Variants in AAMDC observed in about 807,000 individuals in gnomAD.
AAMDC encodes the protein adipogenesis associated Mth938 domain containing.
A neutral mutation model predicts 15.5 loss-of-function variants in AAMDC; 16 were observed. The observed-to-expected ratio is 1.03, with a 90% CI of 0.70 to 1.57. The LOEUF (loss-of-function observed/expected upper bound fraction) is 1.57, where lower values mean the gene tolerates loss of function less well. AAMDC is among the 40% of genes most tolerant of loss of function. The pLI is 0.00. For missense variants in AAMDC, 141 were observed against 144.9 expected (o/e 0.97, Z 0.14); for synonymous variants, 51 against 51.6 (o/e 0.99, Z 0.05).
intron 1 of AAMDC, among the ~76,000 whole-genome samples, chr11:77,833,309 G>A (rs1203230435): frequency 6.6e-6 from 1 of 152,034 alleles, no homozygotes; most frequent in Non-Finnish European, 1.5e-5. Flanking sequence ...GGAGCCCTGA[G>A]CTTGTTTTCC....
intron 2 of AAMDC, 116 bp from the exon 3 acceptor site, chr11:77,869,606 C>A: frequency 9.8e-7 from 1 of 1,022,648 alleles, no homozygotes; most frequent in South Asian, 1.4e-5. Flanking sequence ...ATGAGTGATG[C>A]TTGGCACAAA....
At chr11:77,847,963 A>T (rs1256472913) in intron 2 of AAMDC, among the ~76,000 whole-genome samples, 1 of 152,124 alleles carries the variant, frequency 6.6e-6, no homozygotes, top group Non-Finnish European at 1.5e-5. Flanking sequence ...GGCAGAAAAA[A>T]AGAGGCAAAT....
intron 1 of AAMDC, 124 bp from the exon 2 acceptor site, chr11:77,842,355 A>C (rs1949967317): frequency 1.1e-6 from 1 of 919,720 alleles, no homozygotes; most frequent in African/African-American, 1.7e-5. Flanking sequence ...AGAAGAAGTA[A>C]CAACCACGTA....
chr11:77,853,979 C>A (rs1293173594), intron 2 of AAMDC, among the ~76,000 whole-genome samples: 1 of 136,666 alleles, frequency 7.3e-6, no homozygotes, highest in African/African-American at 2.7e-5. Flanking sequence ...GCCTTCCCAA[C>A]AGTCCTCCAA....
At chr11:77,830,858 T>C (rs937939849) in intron 1 of AAMDC, among the ~76,000 whole-genome samples, 1 of 152,018 alleles carries the variant, frequency 6.6e-6, no homozygotes, top group Non-Finnish European at 1.5e-5. Flanking sequence ...TAGCACTTTA[T>C]GGTTGGGCAC....
downstream of AAMDC, chr11:77,903,549 T>C: frequency 6.2e-7 from 1 of 1,613,880 alleles, no homozygotes; most frequent in Non-Finnish European, 8.5e-7. Context: ...CCTGTTTCGC[T>C]GCTGCTGAGG....
At chr11:77,900,946 G>A (rs1436296548), downstream of AAMDC, among the ~76,000 whole-genome samples, 1 of 152,138 alleles carries the variant, frequency 6.6e-6, no homozygotes, top group East Asian at 1.9e-4. Context: ...AGGGAAACAA[G>A]GTACAGAAAG....
At chr11:77,856,048 G>C (rs558198286) in intron 2 of AAMDC, among the ~76,000 whole-genome samples, 3 of 152,222 alleles carry the variant, frequency 2.0e-5, no homozygotes, top group Admixed American at 2.0e-4. Flanking sequence ...GAGCCCAGGA[G>C]GCAGAGTTGC....
intron 5 of AAMDC, among the ~76,000 whole-genome samples, chr11:77,878,474 CAT>C (rs1485661604): frequency 3.9e-5 from 6 of 151,978 alleles, no homozygotes; most frequent in African/African-American, 9.7e-5. Flanking sequence ...AAGGTTAACA[CAT>C]GTTTAAGGTC....
At chr11:77,888,261 A>G (rs1192068262) in intron 5 of AAMDC, among the ~76,000 whole-genome samples, 1 of 152,238 alleles carries the variant, frequency 6.6e-6, no homozygotes, top group Non-Finnish European at 1.5e-5. Flanking sequence ...GCCCTCAGAA[A>G]TAATGCCACA....
At chr11:77,867,503 C>T (rs950497034) in intron 2 of AAMDC, among the ~76,000 whole-genome samples, 1 of 152,208 alleles carries the variant, frequency 6.6e-6, no homozygotes, top group African/African-American at 2.4e-5. Context: ...TTTGGTTCAT[C>T]TCAGTATTGC....
intron 2 of AAMDC, among the ~76,000 whole-genome samples, chr11:77,865,993 G>C (rs1237874084): frequency 6.6e-6 from 1 of 152,206 alleles, no homozygotes; most frequent in East Asian, 1.9e-4. Context: ...GACTCAGGCA[G>C]TGTCCACAGG....
chr11:77,874,381 T>G (rs1951541931), downstream of AAMDC, among the ~76,000 whole-genome samples: 1 of 152,066 alleles, frequency 6.6e-6, no homozygotes. Context: ...TCTTTTTTTT[T>G]TTTTTTTGGT....
chr11:77,891,235 A>G (rs1325947724), intron 5 of AAMDC: 38 of 1,327,990 alleles, frequency 2.9e-5, no homozygotes, highest in Non-Finnish European at 3.9e-5. Context: ...CTGTCCCTCA[A>G]GTAGAGACTA....
chr11:77,886,851 G>A (rs1282216972), intron 5 of AAMDC, among the ~76,000 whole-genome samples: 1 of 152,104 alleles, frequency 6.6e-6, no homozygotes, highest in Non-Finnish European at 1.5e-5. Context: ...AATGACTACT[G>A]GGTACATAAC....
At chr11:77,885,091 T>G (rs1951947116) in intron 5 of AAMDC, among the ~76,000 whole-genome samples, 1 of 152,048 alleles carries the variant, frequency 6.6e-6, no homozygotes, top group South Asian at 2.1e-4. Context: ...TTCTTTTTTC[T>G]TTTCTTGAGA....
At chr11:77,899,447 G>A (rs1952680317) in intron 5 of AAMDC, among the ~76,000 whole-genome samples, 1 of 152,106 alleles carries the variant, frequency 6.6e-6, no homozygotes, top group Non-Finnish European at 1.5e-5. Flanking sequence ...CGAGTCGGGT[G>A]GATCACCTGA....
chr11:77,842,156 GTTTCTTCT>G (rs1242132620), intron 1 of AAMDC, among the ~76,000 whole-genome samples: 37 of 152,190 alleles, frequency 2.4e-4, no homozygotes, highest in African/African-American at 7.9e-4. Context: ...TAGCTTTATA[GTTTCTTCT>G]TGGGGAGAGA....
At chr11:77,870,376 C>T (rs555609067) in intron 3 of AAMDC, among the ~76,000 whole-genome samples, 1 of 115,440 alleles carries the variant, frequency 8.7e-6, no homozygotes, top group East Asian at 2.6e-4. Context: ...CTTGTTCTGT[C>T]GCCCAGGCTG....
Sources: allele counts gnomAD v4.1 joint callset (sites outside exome capture counted in the v4.1 genomes callset), GRCh38; gene constraint gnomAD v4.1.1; transcripts MANE v1.5; gene names NCBI Gene and HGNC (gene_info 2026-07-23, HGNC 2026-07-21).